NHSL1: variants seen among roughly 807,000 people sequenced by gnomAD.
NHSL1 encodes the protein NHS like 1.
In NHSL1, 48 loss-of-function variants were observed where a neutral mutation model predicts 95.0. The observed-to-expected ratio is 0.51, with a 90% CI of 0.40 to 0.64. The LOEUF is 0.64. Among genes scored for constraint, NHSL1 ranks in the 30% least tolerant of loss-of-function variants. The pLI is 0.00. For missense variants in NHSL1, 1,971 were observed against 2,077.7 expected, an observed-to-expected ratio of 0.95 and a Z score of 1.00; for synonymous variants, 783 against 833.9, an observed-to-expected ratio of 0.94 and a Z score of 1.05.
intron 1 of NHSL1, among the ~76,000 whole-genome samples, chr6:138,596,130 G>C (rs750834333): frequency 2.0e-5 from 3 of 152,140 alleles, no homozygotes; most frequent in African/African-American, 4.8e-5. Flanking sequence ...AGTAGTCAAT[G>C]GTCGATCCAA....
intron 1 of NHSL1, among the ~76,000 whole-genome samples, chr6:138,619,029 G>A (rs1372173574): frequency 6.6e-6 from 1 of 152,058 alleles, no homozygotes; most frequent in South Asian, 2.1e-4. Flanking sequence ...GAGGACACAG[G>A]TAACTTAAAA....
intron 1 of NHSL1, among the ~76,000 whole-genome samples, chr6:138,614,364 T>C (rs1380659262): frequency 6.6e-6 from 1 of 152,202 alleles, no homozygotes; most frequent in African/African-American, 2.4e-5. Flanking sequence ...AGTCTGGTGA[T>C]GGCCTCGTGA....
chr6:138,473,301 C>A lies in NHSL1; in HGVS notation c.339+5G>T. 1 of 1,537,094 alleles carries A rather than the reference C, an allele frequency of 6.5e-7. No individual in the cohort carries two copies. ...CAGGACCCCGTGTTGAACTTTGAAGCTTACCTTTTGATCTGTTTCTTCATC... is the reference window on the plus strand; with the variant it reads ...CAGGACCCCGTGTTGAACTTTGAAGATTACCTTTTGATCTGTTTCTTCATC... On this transcript the variant is annotated splice_donor_5th_base_variant and intron_variant, in intron 3 of 7. Transcript: ENST00000343505.
At chr6:138,489,402 T>C (rs1305415392) in intron 2 of NHSL1, among the ~76,000 whole-genome samples, 1 of 152,168 alleles carries the variant, frequency 6.6e-6, no homozygotes, top group Non-Finnish European at 1.5e-5. Context: ...ATACCTAGTA[T>C]GTAACAAAGT....
chr6:138,552,833 C>T (rs1401738748), intron 1 of NHSL1, among the ~76,000 whole-genome samples: 4 of 152,180 alleles, frequency 2.6e-5, no homozygotes, highest in African/African-American at 9.7e-5. Context: ...ACAGTGACAC[C>T]TCATGAGCAA....
chr6:138,595,905 A>T (rs1203193007), intron 1 of NHSL1, among the ~76,000 whole-genome samples: 2 of 151,944 alleles, frequency 1.3e-5, no homozygotes, highest in Non-Finnish European at 2.9e-5. Flanking sequence ...GGACTCCAAC[A>T]TGGCCCGACT....
At position 138,422,198 on chromosome 6, in the gene NHSL1, TAC is replaced by T. The variant is rs1774963370; in HGVS notation, c.*1881_*1882del. On this transcript the variant is annotated 3_prime_UTR_variant, in exon 8 of 8. Coordinates refer to ENST00000343505, the MANE Select transcript of NHSL1 (RefSeq NM_001144060.2). Reference sequence around the variant, plus strand: ...TTATTAAAGGTTTCTGATATCCATATACATTCTAGTCTTTTTTAGGCAGCTAT... The same window carrying T: ...TTATTAAAGGTTTCTGATATCCATATATTCTAGTCTTTTTTAGGCAGCTAT... The T allele has an allele frequency of 6.6e-6, 1 of 152,260 alleles. No individual in the cohort carries two copies. The highest frequency in any genetic ancestry group is 1.5e-5 in the Non-Finnish European group (1 of 68,042). The allele number at this position is 152,260 out of a possible 1,614,324, so 9.4% of individuals were successfully genotyped here. A position where few individuals can be genotyped will look rare whatever the true frequency, so the allele number is the denominator to read the frequency against.
At chr6:138,453,387 C>A (rs1395659093) in intron 3 of NHSL1, among the ~76,000 whole-genome samples, 1 of 151,966 alleles carries the variant, frequency 6.6e-6, no homozygotes, top group Non-Finnish European at 1.5e-5. Flanking sequence ...TGAGGTCTTG[C>A]CCTCTTGCCC....
At chr6:138,500,047 T>C (rs940678654), upstream of NHSL1, among the ~76,000 whole-genome samples, 16 of 151,862 alleles carry the variant, frequency 1.1e-4, no homozygotes, top group African/African-American at 3.4e-4. Context: ...TTCCAAAGCA[T>C]GATCTTATTT....
At chr6:138,687,435 T>A (rs749577235) in intron 1 of NHSL1, among the ~76,000 whole-genome samples, 6 of 152,308 alleles carry the variant, frequency 3.9e-5, no homozygotes, top group Non-Finnish European at 7.3e-5. Flanking sequence ...TTGTGAGGTA[T>A]GAGAATGCAT....
At chr6:138,642,742 C>T (rs897961761) in intron 1 of NHSL1, among the ~76,000 whole-genome samples, 3 of 151,654 alleles carry the variant, frequency 2.0e-5, no homozygotes, top group Non-Finnish European at 4.4e-5. Context: ...GTGAAGAGGG[C>T]GAGCAGCAGA....
intron 2 of NHSL1, among the ~76,000 whole-genome samples, chr6:138,493,585 C>T (rs989062851): frequency 3.3e-5 from 5 of 152,182 alleles, no homozygotes; most frequent in African/African-American, 7.2e-5. Context: ...TTCACGAAAG[C>T]GTTTTCTACA....
rs1472782853 is a variant in NHSL1 at position 138,635,561 on chromosome 6, C to A, written c.96+56915G>T. On this transcript the variant is annotated intron_variant, in intron 1 of 3. Transcript: ENST00000491526. ...TTCCCAGTAAACAAAAGCCCAAGAC[C>A]CAATGGTTTAACTGCTGAATTCTAC... 2.6e-5 allele frequency among the ~76,000 whole-genome samples: 4 copies of A among 151,976 alleles called. No homozygotes were observed. The East Asian group carries it at 7.7e-4, about 29-fold the overall frequency.
chr6:138,656,305 C>T (rs1785156641), intron 1 of NHSL1, among the ~76,000 whole-genome samples: 1 of 152,136 alleles, frequency 6.6e-6, no homozygotes, highest in Non-Finnish European at 1.5e-5. Context: ...ATTAAAAATG[C>T]ATTAACTCCA....
chr6:138,625,883 T>C (rs1157712411), intron 1 of NHSL1, among the ~76,000 whole-genome samples: 1 of 152,144 alleles, frequency 6.6e-6, no homozygotes, highest in African/African-American at 2.4e-5. Context: ...CCTCAAGCAA[T>C]CCTCCTGCTT....
At chr6:138,651,621 A>T (rs186166949) in intron 1 of NHSL1, among the ~76,000 whole-genome samples, 83 of 152,342 alleles carry the variant, frequency 5.4e-4, no homozygotes, top group African/African-American at 1.7e-3. Context: ...AAGGGTAATA[A>T]CATGGATCCG....
intron 1 of NHSL1, among the ~76,000 whole-genome samples, chr6:138,538,954 A>C (rs1158151819): frequency 6.6e-6 from 1 of 152,170 alleles, no homozygotes; most frequent in African/African-American, 2.4e-5. Context: ...CCCTCCCCCA[A>C]GTTAAACCCA....
intron 1 of NHSL1, among the ~76,000 whole-genome samples, chr6:138,610,878 G>C (rs558250024): frequency 6.6e-6 from 1 of 152,068 alleles, no homozygotes; most frequent in Non-Finnish European, 1.5e-5. Flanking sequence ...GGGAGTTCAA[G>C]ACCAGCCTGA....
At chr6:138,471,393 T>C (rs1778742555) in intron 3 of NHSL1, among the ~76,000 whole-genome samples, 1 of 152,170 alleles carries the variant, frequency 6.6e-6, no homozygotes, top group South Asian at 2.1e-4. Flanking sequence ...TACTCTGTAA[T>C]TCACCTTCTG....
Sources: allele counts gnomAD v4.1 joint callset (sites outside exome capture counted in the v4.1 genomes callset), GRCh38; gene constraint gnomAD v4.1.1; transcripts MANE v1.5; gene names NCBI Gene and HGNC (gene_info 2026-07-23, HGNC 2026-07-21).